The following PBX3 variants were observed in gnomAD, a reference collection of about 807,000 sequenced individuals.
The protein encoded by PBX3 is PBX homeobox 3, also known as pre-B-cell leukemia transcription factor 3.
PBX3 carries 14 observed loss-of-function variants against 48.5 expected under a neutral mutation model. The ratio of observed to expected loss-of-function variants is 0.29; its 90% CI spans 0.19 to 0.45. The LOEUF is 0.45. Among genes scored for constraint, PBX3 ranks in the 20% least tolerant of loss-of-function variants. The pLI is 1.00. For synonymous variants in PBX3, 210 were observed against 200.3 expected, an observed-to-expected ratio of 1.05 and a Z score of -0.41; for missense variants, 386 against 546.7, an observed-to-expected ratio of 0.71 and a Z score of 2.93.
chr9:125,928,704 A>T (rs1841644253), intron 3 of PBX3, among the ~76,000 whole-genome samples: 1 of 152,018 alleles, frequency 6.6e-6, no homozygotes, highest in African/African-American at 2.4e-5. Context: ...TGCCCTCGTG[A>T]TCCACCCGCC....
At chr9:125,920,384 G>A (rs1841432258) in intron 3 of PBX3, among the ~76,000 whole-genome samples, 1 of 152,166 alleles carries the variant, frequency 6.6e-6, no homozygotes, top group Non-Finnish European at 1.5e-5. Flanking sequence ...TTCCTGGGAA[G>A]CCTTATTTTT....
intron 2 of PBX3, among the ~76,000 whole-genome samples, chr9:125,846,190 C>T (rs1839422968): frequency 6.6e-6 from 1 of 151,858 alleles, no homozygotes; most frequent in Non-Finnish European, 1.5e-5. Flanking sequence ...ATATAAATGA[C>T]AGAAAAACAC....
At chr9:125,948,636 A>G (rs573964739) in intron 5 of PBX3, among the ~76,000 whole-genome samples, 2 of 152,180 alleles carry the variant, frequency 1.3e-5, no homozygotes, top group African/African-American at 4.8e-5. Context: ...TAATATATAC[A>G]TGAATGTGTA....
chr9:125,909,627 T>G (rs1841157251), intron 2 of PBX3, among the ~76,000 whole-genome samples: 1 of 152,136 alleles, frequency 6.6e-6, no homozygotes, highest in Non-Finnish European at 1.5e-5. Flanking sequence ...AAGTGTTCTC[T>G]ATGTTGCCAT....
At chr9:125,815,905 T>C (rs758920471) in intron 2 of PBX3, among the ~76,000 whole-genome samples, 6 of 152,180 alleles carry the variant, frequency 3.9e-5, no homozygotes, top group Admixed American at 6.5e-5. Context: ...CTTGTCATTG[T>C]GGTGTCTCAT....
intron 2 of PBX3, among the ~76,000 whole-genome samples, chr9:125,827,836 A>C (rs1838851317): frequency 6.6e-6 from 1 of 152,170 alleles, no homozygotes; most frequent in South Asian, 2.1e-4. Flanking sequence ...CTAGGAATAG[A>C]GTTGTTGGGT....
At chr9:125,963,255 T>G (rs1842469025) in intron 8 of PBX3, among the ~76,000 whole-genome samples, 154 bp downstream of exon 8, 2 of 152,196 alleles carry the variant, frequency 1.3e-5, no homozygotes, top group African/African-American at 4.8e-5. Context: ...ACCTAAATGC[T>G]TGATGCCGTC....
intron 2 of PBX3, among the ~76,000 whole-genome samples, chr9:125,772,470 G>A (rs1836964119): frequency 6.6e-6 from 1 of 152,184 alleles, no homozygotes; most frequent in South Asian, 2.1e-4. Flanking sequence ...GATATTTGGA[G>A]AGATACAGTA....
At chr9:125,954,332 G>A (rs1214365018) in intron 5 of PBX3, among the ~76,000 whole-genome samples, 1 of 152,124 alleles carries the variant, frequency 6.6e-6, no homozygotes, top group Admixed American at 6.5e-5. Context: ...TGATGGTTTA[G>A]TCCAGAAGGA....
At chr9:125,892,511 G>A (rs1334688144) in intron 2 of PBX3, among the ~76,000 whole-genome samples, 1 of 152,038 alleles carries the variant, frequency 6.6e-6, no homozygotes, top group African/African-American at 2.4e-5. Context: ...TCACTGTATG[G>A]TGCCAGATTA....
chr9:125,759,474 C>T lies in PBX3; in HGVS notation c.274+10851C>T, dbSNP rs978378713. On this transcript the variant is annotated intron_variant, in intron 2 of 8. Coordinates refer to ENST00000373489, the MANE Select transcript of PBX3 (RefSeq NM_006195.6). The surrounding 1 kb of genome is among the most constrained non-coding windows in gnomAD (Gnocchi z 4.2). ...ACAGTGAGGCATTTATCATATCATC[C>T]CCTACTCCTCATGCAAGCAAAAAAG... Among the ~76,000 whole-genome samples the T allele has an allele frequency of 6.6e-6, 1 of 152,144 alleles. No individual in the cohort carries two copies. Among genetic ancestry groups the T allele is most frequent in the African/African-American group, 2.4e-5 (1 of 41,408 alleles).
rs546501220 is a variant in PBX3 at position 125,847,190 on chromosome 9, T to G, written c.275-68496T>G. ...TGGTAATGTTGGCGGCTATTGGTGA[T>G]CAATGCTTACATCTATTAGTTTATT... On this transcript the variant is annotated intron_variant, in intron 2 of 8. Coordinates refer to ENST00000373489, the MANE Select transcript of PBX3 (RefSeq NM_006195.6). Among the ~76,000 whole-genome samples the G allele has an allele frequency of 2.6e-5, 4 of 152,154 alleles. No homozygotes were observed. In the South Asian group the frequency reaches 8.3e-4, roughly 32 times the overall value.
chr9:125,954,116 A>T (rs1439162826), intron 5 of PBX3, among the ~76,000 whole-genome samples: 2 of 152,234 alleles, frequency 1.3e-5, no homozygotes, highest in Non-Finnish European at 2.9e-5. Context: ...GCCCCGAAGT[A>T]TGAGACCCTC....
intron 5 of PBX3, among the ~76,000 whole-genome samples, chr9:125,939,838 C>G (rs573523288): frequency 6.6e-6 from 1 of 152,126 alleles, no homozygotes; most frequent in South Asian, 2.1e-4. Flanking sequence ...AGTTTAAAAC[C>G]AAGCAAGCTA....
At position 125,805,032 on chromosome 9, in the gene PBX3, C is replaced by A. The variant is rs539128974; in HGVS notation, c.274+56409C>A. On this transcript the variant is annotated intron_variant, in intron 2 of 8. Coordinates refer to ENST00000373489, the MANE Select transcript of PBX3 (RefSeq NM_006195.6). ...GAGCTTTTATATTTTGTTGGGGGAA[C>A]ATAGACAAAATCCAAGTATATCAAC... is the stretch of plus-strand genomic sequence containing the variant. 9.4e-4 allele frequency among the ~76,000 whole-genome samples: 140 copies of A among 149,570 alleles called. No individual in the cohort carries two copies. In the Middle Eastern group the frequency reaches 0.011, roughly 11 times the overall value.
chr9:125,905,396 T>C (rs1841046831), intron 2 of PBX3, among the ~76,000 whole-genome samples: 1 of 152,034 alleles, frequency 6.6e-6, no homozygotes, highest in South Asian at 2.1e-4. Flanking sequence ...TAATTGCTGT[T>C]ATTTTCAGTT....
At chr9:125,964,119 C>A (rs1021330882) in intron 8 of PBX3, among the ~76,000 whole-genome samples, 38 of 152,130 alleles carry the variant, frequency 2.5e-4, no homozygotes, top group African/African-American at 9.2e-4. Flanking sequence ...CAGCATTTTA[C>A]AGACATGAAT....
intron 5 of PBX3, among the ~76,000 whole-genome samples, chr9:125,940,645 A>G (rs927648111): frequency 1.2e-4 from 18 of 152,240 alleles, no homozygotes; most frequent in Non-Finnish European, 2.9e-5. Context: ...ATTTATGTAT[A>G]TTTGGAATGT....
intron 2 of PBX3, among the ~76,000 whole-genome samples, chr9:125,802,221 T>C (rs937051166): frequency 2.4e-4 from 36 of 152,132 alleles, no homozygotes; most frequent in Non-Finnish European, 4.6e-4. Context: ...ACCCAGGTAG[T>C]GAACACAGTA....
Sources: gnomAD v4.1 joint callset for allele counts (sites outside exome capture counted in the v4.1 genomes callset) on GRCh38, gnomAD v4.1.1 for gene constraint, Gnocchi (gnomAD v3.1) non-coding constraint, MANE v1.5 for transcripts, NCBI Gene and HGNC (gene_info 2026-07-23, HGNC 2026-07-21) for gene names.